The following AGBL1 variants were observed in gnomAD, a reference collection of about 807,000 sequenced individuals.
AGBL1 encodes the protein cytosolic carboxypeptidase 4.
A neutral mutation model predicts 118.9 loss-of-function variants in AGBL1; 130 were observed. The observed-to-expected ratio is 1.09, with a 90% CI of 0.95 to 1.26. The LOEUF is 1.26. Among genes scored for constraint, AGBL1 ranks in the 50% most tolerant of loss-of-function variants. AGBL1 has a pLI of 0.00. For synonymous variants in AGBL1, 555 were observed against 478.9 expected (o/e 1.16, Z -2.08); for missense variants, 1,584 against 1,298.1 (o/e 1.22, Z -3.38).
At chr15:86,526,584 T>A (rs1439898783) in intron 19 of AGBL1, among the ~76,000 whole-genome samples, 1 of 135,858 alleles carries the variant, frequency 7.4e-6, no homozygotes, top group Non-Finnish European at 1.5e-5. Flanking sequence ...ACACACAGAG[T>A]ATATATATGT....
intron 21 of AGBL1, among the ~76,000 whole-genome samples, chr15:86,661,381 T>C (rs1248196229): frequency 6.6e-6 from 1 of 151,948 alleles, no homozygotes; most frequent in Non-Finnish European, 1.5e-5. Context: ...ATGCTTTTTT[T>C]CCCAACTCCT....
chr15:86,439,104 A>T (rs1243357531), intron 18 of AGBL1, among the ~76,000 whole-genome samples: 1 of 152,014 alleles, frequency 6.6e-6, no homozygotes, highest in East Asian at 1.9e-4. Flanking sequence ...CCCGATGAGG[A>T]TGTCGTAATG....
chr15:86,518,930 C>A (rs1261474359), intron 18 of AGBL1, among the ~76,000 whole-genome samples: 2 of 150,920 alleles, frequency 1.3e-5, no homozygotes, highest in African/African-American at 4.9e-5. Context: ...CTAGATCTGG[C>A]ATATTTAGTG....
chr15:86,082,458 C>G (rs542396854), intron 1 of AGBL1, among the ~76,000 whole-genome samples: 1 of 152,290 alleles, frequency 6.6e-6, no homozygotes, highest in East Asian at 1.9e-4. Flanking sequence ...TCTCAGTTCC[C>G]ATGTCTTTTA....
At chr15:86,735,948 T>C (rs556025733) in intron 22 of AGBL1, among the ~76,000 whole-genome samples, 27 of 152,262 alleles carry the variant, frequency 1.8e-4, no homozygotes, top group African/African-American at 6.3e-4. Context: ...CTTATTCATT[T>C]TAATTGTACA....
At chr15:86,451,652 T>C (rs561530141) in intron 18 of AGBL1, among the ~76,000 whole-genome samples, 74 of 152,272 alleles carry the variant, frequency 4.9e-4, no homozygotes, top group Non-Finnish European at 9.1e-4. Flanking sequence ...AAATGAATAG[T>C]GGAAGGCAAG....
intron 16 of AGBL1, among the ~76,000 whole-genome samples, chr15:86,293,357 G>T (rs1421301000): frequency 6.6e-6 from 1 of 152,186 alleles, no homozygotes; most frequent in Non-Finnish European, 1.5e-5. Flanking sequence ...TGTGGGGAGA[G>T]TGTGTTTCCT....
chr15:86,380,337 G>T (rs57028295), intron 17 of AGBL1, among the ~76,000 whole-genome samples: 29,727 of 146,902 alleles, frequency 0.2, 3,779 homozygotes, highest in East Asian at 0.59. Context: ...CAGGCTGGAG[G>T]ACAGTGGTGC....
At chr15:87,014,864 T>G (rs930564104) in intron 24 of AGBL1, among the ~76,000 whole-genome samples, 1 of 152,124 alleles carries the variant, frequency 6.6e-6, no homozygotes, top group African/African-American at 2.4e-5. Context: ...TGATGATTAA[T>G]GTTAGGTGTC....
chr15:86,780,658 T>TTC (rs1184187354), intron 22 of AGBL1, among the ~76,000 whole-genome samples: 2 of 31,754 alleles, frequency 6.3e-5, no homozygotes, highest in Admixed American at 4.6e-4. Context: ...CTTTAACTTC[T>TTC]TTTTTTTTTT....
intron 22 of AGBL1, among the ~76,000 whole-genome samples, chr15:86,689,309 T>C (rs952639707): frequency 6.6e-6 from 1 of 152,118 alleles, no homozygotes; most frequent in Non-Finnish European, 1.5e-5. Context: ...CCACATTGCC[T>C]AAAGTAGCAT....
rs190036628 is a variant in AGBL1, at chr15:86,641,172, T to A, written c.2995-33101T>A. ...TTGTTTGCCTTCAAGATTTTGTATA[T>A]GATGTTTTTGACATGTAAATATATT... On this transcript the variant is annotated intron_variant, in intron 21 of 22. Transcript: ENST00000614907. Among the ~76,000 whole-genome samples the A allele has an allele frequency of 2.0e-4, 30 of 152,266 alleles. No individual in the cohort carries two copies. The East Asian group carries it at 4.6e-3, about 24-fold the overall frequency.
chr15:87,009,096 G>A (rs1596736027), intron 24 of AGBL1, among the ~76,000 whole-genome samples: 1 of 152,144 alleles, frequency 6.6e-6, no homozygotes, highest in Admixed American at 6.6e-5. Context: ...CAAGACAATG[G>A]GGGAAAATGT....
At chr15:86,129,382 G>A (rs1284955081) in intron 1 of AGBL1, among the ~76,000 whole-genome samples, 1 of 152,192 alleles carries the variant, frequency 6.6e-6, no homozygotes, top group Non-Finnish European at 1.5e-5. Flanking sequence ...TGTCTTGGAG[G>A]AATGATTTGT....
At chr15:86,853,884 G>A (rs540856496) in intron 22 of AGBL1, among the ~76,000 whole-genome samples, 3 of 152,036 alleles carry the variant, frequency 2.0e-5, no homozygotes, top group East Asian at 1.9e-4. Flanking sequence ...CTGGGTCTCC[G>A]TGTTTTTTTA....
intron 22 of AGBL1, among the ~76,000 whole-genome samples, chr15:86,870,681 G>C (rs760059562): frequency 2.6e-5 from 4 of 152,044 alleles, no homozygotes; most frequent in East Asian, 3.9e-4. Flanking sequence ...GAAAAAAAAG[G>C]CATCTGATGA....
chr15:86,347,584 T>A (rs2080558332), intron 17 of AGBL1, among the ~76,000 whole-genome samples: 2 of 152,226 alleles, frequency 1.3e-5, no homozygotes, highest in African/African-American at 4.8e-5. Context: ...TATTTTCCTT[T>A]CTTTTTGGTT....
At chr15:86,325,271 A>G (rs1241822540) in intron 17 of AGBL1, among the ~76,000 whole-genome samples, 1 of 152,226 alleles carries the variant, frequency 6.6e-6, no homozygotes. Context: ...GGGCAAGAAT[A>G]GAGGAAGAAT....
chr15:86,473,540 TA>T (rs1193844698), intron 18 of AGBL1, among the ~76,000 whole-genome samples: 4 of 152,048 alleles, frequency 2.6e-5, no homozygotes, highest in Non-Finnish European at 5.9e-5. Context: ...GTAGTGTGTA[TA>T]TTTTTTTCTA....
Sources: gnomAD v4.1 joint callset for allele counts (sites outside exome capture counted in the v4.1 genomes callset) on GRCh38, gnomAD v4.1.1 for gene constraint, MANE v1.5 for transcripts, NCBI Gene and HGNC (gene_info 2026-07-23, HGNC 2026-07-21) for gene names.